Variants in ITGB5 observed in about 807,000 individuals in gnomAD.
ITGB5 encodes the protein integrin subunit beta 5.
A neutral mutation model predicts 84.8 loss-of-function variants in ITGB5; 38 were observed. The ratio of observed to expected loss-of-function variants is 0.45; its 90% CI spans 0.35 to 0.59. The LOEUF is 0.59. Ranked by LOEUF, ITGB5 falls within the 20% of genes least tolerant of loss-of-function variation. The pLI, the probability that ITGB5 is intolerant of heterozygous loss-of-function variation, is 0.01. For synonymous variants in ITGB5, 393 were observed against 414.4 expected (o/e 0.95, Z 0.63); for missense variants, 905 against 1,034.5 (o/e 0.87, Z 1.72).
chr3:124,856,465 C>A (rs2065223984), intron 3 of ITGB5, among the ~76,000 whole-genome samples: 1 of 152,142 alleles, frequency 6.6e-6, no homozygotes, highest in African/African-American at 2.4e-5. Flanking sequence ...TAAATTAAAA[C>A]CTTCCTCCAC....
intron 10 of ITGB5, among the ~76,000 whole-genome samples, chr3:124,783,012 C>T (rs574975473): frequency 2.7e-5 from 4 of 150,312 alleles, no homozygotes; most frequent in South Asian, 4.3e-4. Context: ...TTAAACAGGC[C>T]GGGCATGGTG....
chr3:124,858,987 T>C (rs1199890229), intron 3 of ITGB5, among the ~76,000 whole-genome samples: 2 of 152,166 alleles, frequency 1.3e-5, no homozygotes, highest in Non-Finnish European at 2.9e-5. Flanking sequence ...AACGCTTAAA[T>C]GGTAAATGTT....
intron 5 of ITGB5, among the ~76,000 whole-genome samples, chr3:124,823,957 CAG>C (rs960063240): frequency 3.9e-5 from 6 of 152,180 alleles, no homozygotes; most frequent in African/African-American, 1.4e-4. Flanking sequence ...AATAAATGGA[CAG>C]AGATATCATT....
chr3:124,775,802 T>G (rs2063918817), intron 10 of ITGB5, among the ~76,000 whole-genome samples: 1 of 152,156 alleles, frequency 6.6e-6, no homozygotes, highest in African/African-American at 2.4e-5. Flanking sequence ...AGGTCAGAAC[T>G]CAACTCCAGA....
chr3:124,779,203 A>G (rs768498113), intron 10 of ITGB5, among the ~76,000 whole-genome samples: 8 of 151,852 alleles, frequency 5.3e-5, no homozygotes, highest in Non-Finnish European at 1.0e-4. Context: ...CAAGGCACCC[A>G]GAACAGCAGA....
rs199998000 is a variant in ITGB5 at position 124,770,569 on chromosome 3, C to T, written c.1917-1456G>A. 3.9e-5 allele frequency among the ~76,000 whole-genome samples: 6 copies of T among 152,290 alleles called. No homozygotes were observed. In the East Asian group the frequency reaches 1.2e-3, roughly 29 times the overall value. On this transcript the variant is annotated intron_variant, in intron 11 of 14. Coordinates refer to ENST00000296181, the MANE Select transcript of ITGB5 (RefSeq NM_002213.5). ...GTGCAGAAACTGCGAAGTGGAGGAGCAGAACTGGACGGGAGCTCTGAGACC... is the reference window on the plus strand; with the variant it reads ...GTGCAGAAACTGCGAAGTGGAGGAGTAGAACTGGACGGGAGCTCTGAGACC...
At chr3:124,789,340 T>A in intron 10 of ITGB5, among the ~76,000 whole-genome samples, 1 of 152,210 alleles carries the variant, frequency 6.6e-6, no homozygotes, top group African/African-American at 2.4e-5. Context: ...TGGCTTTAAC[T>A]AGACAGGGTT....
At chr3:124,857,850 C>G (rs1394899496) in intron 3 of ITGB5, among the ~76,000 whole-genome samples, 1 of 152,020 alleles carries the variant, frequency 6.6e-6, no homozygotes, top group African/African-American at 2.4e-5. Context: ...TGAGAGCTAC[C>G]TGGCCAGGCA....
chr3:124,887,802 C>CGGCCTGAGATGGGACGTAGCGCG, upstream of ITGB5: 1 of 329,796 alleles, frequency 3.0e-6, no homozygotes, highest in Non-Finnish European at 6.5e-6. Context: ...TCACTGCCGG[C>CGGCCTGAGATGGGACGTAGCGCG]GGCCTGAGAT....
Position 124,874,306 on chromosome 3 carries a change from GAAAAA to G in ITGB5, c.71-780_71-776del, listed in dbSNP as rs59287818. Among the ~76,000 whole-genome samples, 4 of 113,372 alleles carry G rather than the reference GAAAAA, an allele frequency of 3.5e-5. 1 individual carries two copies. Among genetic ancestry groups the G allele is most frequent in the African/African-American group, 1.0e-4 (3 of 28,904 alleles). The allele number at this position is 113,372 out of a possible 152,430, so 74.4% of individuals were successfully genotyped here. A position where few individuals can be genotyped will look rare whatever the true frequency, so the allele number is the denominator to read the frequency against. On this transcript the variant is annotated intron_variant, in intron 1 of 14. Transcript: ENST00000296181. ...GAGGGAGACCCAGTCTCAAAAGCCGGAAAAAAAAAAAAAAAAAAAAGAAAGAAAGA... is the reference window on the plus strand; with the variant it reads ...GAGGGAGACCCAGTCTCAAAAGCCGGAAAAAAAAAAAAAAAGAAAGAAAGA...
At chr3:124,779,055 A>G (rs1205643482) in intron 10 of ITGB5, among the ~76,000 whole-genome samples, 1 of 152,202 alleles carries the variant, frequency 6.6e-6, no homozygotes, top group Non-Finnish European at 1.5e-5. Flanking sequence ...GCTGTCAGAA[A>G]CATCAGTGCT....
At chr3:124,877,191 C>T (rs142834501) in intron 1 of ITGB5, among the ~76,000 whole-genome samples, 2,449 of 145,904 alleles carry the variant, frequency 0.017, 31 homozygotes, top group South Asian at 0.04. Flanking sequence ...GTTGCCCAGG[C>T]TGGTCTCAAA....
At chr3:124,899,211 G>C (rs952626124) in intron 1 of ITGB5, among the ~76,000 whole-genome samples, 1 of 152,140 alleles carries the variant, frequency 6.6e-6, no homozygotes, top group African/African-American at 2.4e-5. Flanking sequence ...TCATATTCCA[G>C]GACACGCTTT....
chr3:124,783,756 C>T (rs902545326), intron 10 of ITGB5, among the ~76,000 whole-genome samples: 2 of 152,222 alleles, frequency 1.3e-5, no homozygotes, highest in African/African-American at 4.8e-5. Context: ...ATTCTCTTTT[C>T]TCTGGAAGAA....
At chr3:124,834,822 G>A (rs1286011857) in intron 5 of ITGB5, among the ~76,000 whole-genome samples, 2 of 152,200 alleles carry the variant, frequency 1.3e-5, no homozygotes, top group African/African-American at 2.4e-5. Context: ...ACGCACTCCA[G>A]GTCACTGTGG....
chr3:124,798,055 C>CTTTTT (rs60292129), intron 9 of ITGB5, among the ~76,000 whole-genome samples: 2 of 103,656 alleles, frequency 1.9e-5, no homozygotes, highest in Non-Finnish European at 3.7e-5. Flanking sequence ...TAGAATAAAG[C>CTTTTT]TTTTTTTTTT....
Position 124,762,725 on chromosome 3 carries a change from G to A in ITGB5, c.*898C>T, listed in dbSNP as rs974096806. On this transcript the variant is annotated 3_prime_UTR_variant, in exon 15 of 15. Coordinates refer to ENST00000296181, the MANE Select transcript of ITGB5 (RefSeq NM_002213.5). ...GGGTGGTTTTTATGGTGTCTAGCCT[G>A]GAACTCTCTGTCAGTAAAAGCTGGA... The A allele has an allele frequency of 7.2e-6, 1 of 139,768 alleles. No homozygotes were observed. Among genetic ancestry groups the A allele is most frequent in the African/African-American group, 2.7e-5 (1 of 37,582 alleles). The allele number at this position is 139,768 out of a possible 1,614,324, so 8.7% of individuals were successfully genotyped here. A position where few individuals can be genotyped will look rare whatever the true frequency, so the allele number is the denominator to read the frequency against.
chr3:124,882,364 G>C (rs1934610717), intron 1 of ITGB5, among the ~76,000 whole-genome samples: 1 of 152,232 alleles, frequency 6.6e-6, no homozygotes, highest in Non-Finnish European at 1.5e-5. Flanking sequence ...CGGGATATAG[G>C]GAGGAGGTTG....
chr3:124,828,416 G>C (rs145219413), intron 5 of ITGB5, among the ~76,000 whole-genome samples: 88 of 152,166 alleles, frequency 5.8e-4, no homozygotes, highest in African/African-American at 2.1e-3. Context: ...AATAAGGCAG[G>C]CAAAAAAAGA....
Sources: allele counts gnomAD v4.1 joint callset (sites outside exome capture counted in the v4.1 genomes callset), GRCh38; gene constraint gnomAD v4.1.1; transcripts MANE v1.5; gene names NCBI Gene and HGNC (gene_info 2026-07-23, HGNC 2026-07-21).